ZC3H7A: variants seen among roughly 807,000 people sequenced by gnomAD.
ZC3H7A encodes zinc finger CCCH-type containing 7A, also known as zinc finger CCCH domain-containing protein 7A.
In ZC3H7A, 44 loss-of-function variants were observed where a neutral mutation model predicts 125.5. That is an observed-to-expected ratio of 0.35 (90% confidence interval 0.28 to 0.45). ZC3H7A has a LOEUF of 0.45. ZC3H7A is among the 20% of genes least tolerant of loss of function. The pLI is 1.00. For missense variants in ZC3H7A, 977 were observed against 1,170.7 expected (o/e 0.83, Z 2.41); for synonymous variants, 399 against 391.2 (o/e 1.02, Z -0.23).
chr16:11,776,225 CA>C, intron 7 of ZC3H7A, 94 bp downstream of exon 7: 1 of 1,301,716 alleles, frequency 7.7e-7, no homozygotes, highest in Non-Finnish European at 1.1e-6. Flanking sequence ...AAAAAGGTTC[CA>C]AAAATAAACA....
chr16:11,762,162 G>C, intron 17 of ZC3H7A, 119 bp from the exon 18 acceptor site: 1 of 988,352 alleles, frequency 1.0e-6, no homozygotes. Flanking sequence ...ATTTTTATCT[G>C]ACTTGATTTG....
chr16:11,768,583 TG>T, intron 11 of ZC3H7A, 82 bp from the exon 12 acceptor site: 1 of 1,229,746 alleles, frequency 8.1e-7, no homozygotes, highest in Non-Finnish European at 1.1e-6. Context: ...TGAATTCATC[TG>T]AAAAATAAGA....
chr16:11,766,555 G>A (rs1180754596), intron 13 of ZC3H7A, among the ~76,000 whole-genome samples: 2 of 152,148 alleles, frequency 1.3e-5, no homozygotes, highest in Non-Finnish European at 2.9e-5. Flanking sequence ...GACAGAGCGA[G>A]ACTCTGTCAC....
rs112398722 is a variant in ZC3H7A at position 11,772,750 on chromosome 16, G to A, written c.903+1486C>T. ...ATTGATCTGTCACCCAGGGTGGAGT[G>A]CAGTGGCATGATCTTGGTTCACTGC... is the stretch of plus-strand genomic sequence containing the variant. On this transcript the variant is annotated intron_variant, in intron 9 of 22. Transcript: ENST00000355758. Among the ~76,000 whole-genome samples the A allele has an allele frequency of 3.3e-3, 500 of 150,644 alleles. 5 individuals are homozygous for A. The highest frequency in any genetic ancestry group is 6.0e-3 in the Non-Finnish European group (407 of 67,864).
intron 1 of ZC3H7A, among the ~76,000 whole-genome samples, chr16:11,788,304 C>A (rs1469161127): frequency 1.3e-5 from 2 of 152,076 alleles, no homozygotes; most frequent in Admixed American, 1.3e-4. Flanking sequence ...CTTGAGATCT[C>A]CCCGAGCCAT....
intron 8 of ZC3H7A, 41 bp from the exon 9 acceptor site, chr16:11,774,560 A>G (rs747990997): frequency 1.8e-5 from 27 of 1,479,656 alleles, no homozygotes; most frequent in Admixed American, 9.7e-5. Flanking sequence ...CTTTCATCGT[A>G]CTTACATAAT....
Position 11,774,487 on chromosome 16 carries a change from C to A in ZC3H7A, c.652G>T (p.Val218Phe). 2 of 1,570,288 alleles carry A rather than the reference C, an allele frequency of 1.3e-6. No homozygotes were observed. Among genetic ancestry groups the A allele is most frequent in the Non-Finnish European group, 1.7e-6 (2 of 1,155,748 alleles). The change falls in exon 9 of 23, where the codon GTT becomes TTT. Residue 218 changes from valine (V) to phenylalanine (F), a missense_variant. Physicochemically the swap from Val to Phe is conservative, Grantham distance 50. Around this residue, in one of 3 missense-constraint regions of ZC3H7A, gnomAD observed 342 missense variants for 311.3 expected, o/e 1.10. Transcript: ENST00000355758. Reference sequence around the variant, plus strand: ...AAACTGGGTGCCGGTAAAGAGACAACAGGAACTGCTTCTTGCCTTGGAGTT... The same window carrying A: ...AAACTGGGTGCCGGTAAAGAGACAAAAGGAACTGCTTCTTGCCTTGGAGTT... ...LLTPRQEAVP[V>F]VSLPAPSFSH...
intron 1 of ZC3H7A, among the ~76,000 whole-genome samples, chr16:11,790,750 G>A (rs1208572229): frequency 6.6e-6 from 1 of 151,968 alleles, no homozygotes; most frequent in Non-Finnish European, 1.5e-5. Context: ...TGTTGGTCCA[G>A]CTGGTCTTGA....
chr16:11,768,964 A>C, intron 11 of ZC3H7A, 67 bp downstream of exon 11: 1 of 1,470,110 alleles, frequency 6.8e-7, no homozygotes, highest in Non-Finnish European at 9.3e-7. Flanking sequence ...CATTCAAATA[A>C]CTCGGTTACT....
intron 21 of ZC3H7A, among the ~76,000 whole-genome samples, chr16:11,754,785 G>C (rs8044000): frequency 1.3e-5 from 2 of 150,556 alleles, no homozygotes; most frequent in Non-Finnish European, 3.0e-5. Context: ...CCAGCTACAC[G>C]GGAGGCTGAG....
chr16:11,767,294 G>A, intron 13 of ZC3H7A, 123 bp downstream of exon 13: 1 of 867,600 alleles, frequency 1.2e-6, no homozygotes, highest in Non-Finnish European at 1.7e-6. Flanking sequence ...CGAGGTTTGT[G>A]TAAGTACTCT....
rs1567377097 is a variant in ZC3H7A at position 11,763,588 on chromosome 16, T to A, written c.1892A>T (p.Gln631Leu). 2 of 1,611,694 alleles carry A rather than the reference T, an allele frequency of 1.2e-6. No homozygotes were observed. The highest frequency in any genetic ancestry group is 1.7e-6 in the Non-Finnish European group (2 of 1,178,752). Reference sequence around the variant, plus strand: ...AACTTCATGTCGACATAAATCAAGCTGACACTGACCATGAAAAGAACGTAT... The same window carrying A: ...AACTTCATGTCGACATAAATCAAGCAGACACTGACCATGAAAAGAACGTAT... Reference protein sequence around the residue: ...SKIRSFHGQCQLDLCRHEVRY... With the variant: ...SKIRSFHGQCLLDLCRHEVRY... Residue 631 changes from glutamine to leucine, a missense_variant, in exon 16 of 23, where the codon CAG becomes CTG. By Grantham distance (113) the Gln-to-Leu change is moderately radical (BLOSUM62 -2). This residue lies in a region of ZC3H7A where 436 missense variants were observed against 603.2 expected (regional missense o/e 0.72). Transcript: ENST00000355758.
intron 3 of ZC3H7A, among the ~76,000 whole-genome samples, chr16:11,779,703 T>A (rs2053142381): frequency 6.6e-6 from 1 of 152,208 alleles, no homozygotes; most frequent in Non-Finnish European, 1.5e-5. Context: ...TGAGCAGTAT[T>A]TCCAAATTGC....
At chr16:11,754,375 G>C (rs1047683006) in intron 21 of ZC3H7A, among the ~76,000 whole-genome samples, 2 of 148,120 alleles carry the variant, frequency 1.4e-5, no homozygotes, top group African/African-American at 5.0e-5. Flanking sequence ...AGTAAAGGTA[G>C]CAAGGGAATC....
intron 19 of ZC3H7A, among the ~76,000 whole-genome samples, chr16:11,761,157 A>C (rs957244507): frequency 6.6e-6 from 1 of 152,180 alleles, no homozygotes. Flanking sequence ...AATTGTCCCC[A>C]TAACTTTTCC....
intron 4 of ZC3H7A, among the ~76,000 whole-genome samples, chr16:11,778,827 C>T (rs1027553401): frequency 6.6e-6 from 1 of 152,076 alleles, no homozygotes; most frequent in African/African-American, 2.4e-5. Flanking sequence ...GATTCTCCTG[C>T]CTCAGCCTCC....
At chr16:11,785,934 A>T (rs1311586883) in intron 1 of ZC3H7A, among the ~76,000 whole-genome samples, 1 of 152,044 alleles carries the variant, frequency 6.6e-6, no homozygotes, top group African/African-American at 2.4e-5. Context: ...GTGTTTTTTT[A>T]AAGTGACGGG....
intron 1 of ZC3H7A, among the ~76,000 whole-genome samples, chr16:11,790,050 C>T (rs2053323891): frequency 7.0e-6 from 1 of 142,886 alleles, no homozygotes; most frequent in African/African-American, 2.6e-5. Flanking sequence ...CACTGCATTC[C>T]ACCTGAACCA....
chr16:11,785,809 TA>T (rs2053248410), intron 1 of ZC3H7A, among the ~76,000 whole-genome samples: 1 of 152,078 alleles, frequency 6.6e-6, no homozygotes, highest in Non-Finnish European at 1.5e-5. Context: ...TTAGTAGAGA[TA>T]GGGTTTCACC....
Sources: allele counts gnomAD v4.1 joint callset (sites outside exome capture counted in the v4.1 genomes callset), GRCh38; gene constraint gnomAD v4.1.1; regional missense constraint gnomAD v4.1.1; transcripts MANE v1.5; gene names NCBI Gene and HGNC (gene_info 2026-07-23, HGNC 2026-07-21).